INPP5F: variants seen among roughly 807,000 people sequenced by gnomAD.
INPP5F encodes inositol polyphosphate-5-phosphatase F, also known as phosphatidylinositide 4-phosphatase SAC2.
INPP5F carries 97 observed loss-of-function variants against 137.2 expected under a neutral mutation model. That is an observed-to-expected ratio of 0.71 (90% CI 0.60 to 0.84). The LOEUF (loss-of-function observed/expected upper bound fraction) is 0.84. INPP5F is among the 40% of genes least tolerant of loss of function. The pLI, the probability that INPP5F is intolerant of heterozygous loss-of-function variation, is 0.00. For synonymous variants in INPP5F, 504 were observed against 476.9 expected, an observed-to-expected ratio of 1.06 and a Z score of -0.74; for missense variants, 1,271 against 1,371.9, an observed-to-expected ratio of 0.93 and a Z score of 1.16.
chr10:119,747,384 G>C (rs1848567385), intron 1 of INPP5F, among the ~76,000 whole-genome samples: 1 of 151,832 alleles, frequency 6.6e-6, no homozygotes, highest in Non-Finnish European at 1.5e-5. Context: ...ACCACGCCCA[G>C]CTAATTTTTT....
At position 119,807,814 on chromosome 10, in the gene INPP5F, TTC is replaced by T. The variant is rs148355259; in HGVS notation, c.1441-114_1441-113del. On this transcript the variant is annotated intron_variant, in intron 12 of 19. Transcript: ENST00000650623. ...TTAAAAATGAGTCTGAAAAGACCAT[TTC>T]TCTTATTTAAGGGTCCTAAATTGTA... is the stretch of plus-strand genomic sequence containing the variant. 3.1e-3 allele frequency: 2,860 copies of T among 935,796 alleles called. 57 individuals are homozygous for T. In the African/African-American group the frequency reaches 0.043, roughly 14 times the overall value. The allele number at this position is 935,796 out of a possible 1,614,324, so 58.0% of individuals were successfully genotyped here. A position where few individuals can be genotyped will look rare whatever the true frequency, so the allele number is the denominator to read the frequency against.
At chr10:119,800,484 C>T (rs1381932826) in intron 9 of INPP5F, among the ~76,000 whole-genome samples, 5 of 150,466 alleles carry the variant, frequency 3.3e-5, no homozygotes, top group African/African-American at 9.8e-5. Flanking sequence ...TGCTTGAACC[C>T]AGGAGGCAGA....
chr10:119,735,933 C>T (rs928898845), intron 1 of INPP5F, among the ~76,000 whole-genome samples: 4 of 152,338 alleles, frequency 2.6e-5, no homozygotes, highest in African/African-American at 9.6e-5. Context: ...AGTTTGAGAC[C>T]TGCCTGGCCA....
At chr10:119,817,815 T>C (rs1851338049) in intron 15 of INPP5F, among the ~76,000 whole-genome samples, 1 of 152,226 alleles carries the variant, frequency 6.6e-6, no homozygotes, top group Non-Finnish European at 1.5e-5. Flanking sequence ...ATCATATTTA[T>C]CATATTTTTG....
intron 8 of INPP5F, 83 bp from the exon 9 acceptor site, chr10:119,798,459 TA>T: frequency 2.2e-6 from 2 of 898,046 alleles, no homozygotes; most frequent in Admixed American, 4.6e-5. Context: ...ATAAATTATT[TA>T]AAAGTAAGAA....
At chr10:119,814,144 C>A (rs1366651217) in intron 15 of INPP5F, among the ~76,000 whole-genome samples, 1 of 152,052 alleles carries the variant, frequency 6.6e-6, no homozygotes, top group Non-Finnish European at 1.5e-5. Context: ...GTAATCCCAG[C>A]ACTTTGGAAG....
At chr10:119,822,368 C>A in intron 16 of INPP5F, 63 bp from the exon 17 acceptor site, 1 of 843,616 alleles carries the variant, frequency 1.2e-6, no homozygotes, top group South Asian at 1.8e-5. Context: ...ATTATGCCTT[C>A]CCTGACAAGC....
intron 9 of INPP5F, among the ~76,000 whole-genome samples, chr10:119,801,658 T>G (rs528420419): frequency 6.6e-6 from 1 of 152,166 alleles, no homozygotes; most frequent in African/African-American, 2.4e-5. Context: ...GAGAATCACT[T>G]GAGCCCAGCA....
intron 3 of INPP5F, among the ~76,000 whole-genome samples, chr10:119,790,582 G>A (rs1172906403): frequency 6.6e-6 from 1 of 152,054 alleles, no homozygotes; most frequent in Non-Finnish European, 1.5e-5. Context: ...GCTTAAACTC[G>A]CTTTTCTTCT....
At chr10:119,807,801 C>G in intron 12 of INPP5F, 131 bp from the exon 13 acceptor site, 3 of 800,764 alleles carry the variant, frequency 3.7e-6, no homozygotes, top group Non-Finnish European at 5.7e-6. Flanking sequence ...AAAAATGAGT[C>G]TGAAAAGACC....
chr10:119,824,623 C>T (rs945946169), intron 19 of INPP5F, among the ~76,000 whole-genome samples: 14 of 152,160 alleles, frequency 9.2e-5, no homozygotes, highest in African/African-American at 3.4e-4. Context: ...TTGTGTTTTC[C>T]TCTTTATAAT....
intron 19 of INPP5F, among the ~76,000 whole-genome samples, chr10:119,825,106 G>C (rs555705407): frequency 6.6e-6 from 1 of 152,318 alleles, no homozygotes; most frequent in Admixed American, 6.5e-5. Flanking sequence ...TGCATGAACT[G>C]AATAACGCAC....
chr10:119,750,164 A>G (rs1478356931), intron 1 of INPP5F, among the ~76,000 whole-genome samples: 1 of 152,228 alleles, frequency 6.6e-6, no homozygotes, highest in Non-Finnish European at 1.5e-5. Flanking sequence ...TGGAGGCTAA[A>G]CTATTAAGTG....
intron 2 of INPP5F, among the ~76,000 whole-genome samples, chr10:119,763,287 C>A (rs927777455): frequency 6.6e-6 from 1 of 152,220 alleles, no homozygotes; most frequent in Admixed American, 6.5e-5. Context: ...CCTGCCTCCA[C>A]GGCTCTACCC....
intron 6 of INPP5F, among the ~76,000 whole-genome samples, chr10:119,796,272 G>T (rs1850378603): frequency 6.6e-6 from 1 of 152,058 alleles, no homozygotes; most frequent in Non-Finnish European, 1.5e-5. Flanking sequence ...AGAGTTGGTT[G>T]TATTTTATTA....
intron 1 of INPP5F, among the ~76,000 whole-genome samples, chr10:119,742,581 G>A (rs1210709254): frequency 6.6e-6 from 1 of 152,158 alleles, no homozygotes; most frequent in Non-Finnish European, 1.5e-5. Context: ...ATAGGACTTG[G>A]CAAGAAAAAA....
intron 6 of INPP5F, 27 bp downstream of exon 6, chr10:119,792,240 A>G (rs375734710): frequency 6.6e-7 from 1 of 1,521,166 alleles, no homozygotes; most frequent in African/African-American, 1.4e-5. Context: ...AAAATTTCCT[A>G]ACCGTAATGA....
chr10:119,753,451 G>A (rs1848744035), intron 2 of INPP5F, among the ~76,000 whole-genome samples: 1 of 152,184 alleles, frequency 6.6e-6, no homozygotes, highest in Non-Finnish European at 1.5e-5. Flanking sequence ...GGTTGACAGA[G>A]CAGCTCTGCT....
chr10:119,745,354 CTT>C (rs769205900), intron 1 of INPP5F, among the ~76,000 whole-genome samples: 4 of 148,760 alleles, frequency 2.7e-5, no homozygotes, highest in Non-Finnish European at 6.0e-5. Flanking sequence ...GTTATTTTTT[CTT>C]TTTTTTTTCT....
Sources: allele counts gnomAD v4.1 joint callset (sites outside exome capture counted in the v4.1 genomes callset), GRCh38; gene constraint gnomAD v4.1.1; transcripts MANE v1.5; gene names NCBI Gene and HGNC (gene_info 2026-07-23, HGNC 2026-07-21).